RSF1: variants seen among roughly 807,000 people sequenced by gnomAD.
RSF1 encodes the protein remodeling and spacing factor 1.
A neutral mutation model predicts 145.2 loss-of-function variants in RSF1; 13 were observed. The observed-to-expected ratio is 0.09, with a 90% CI of 0.06 to 0.14. The LOEUF (loss-of-function observed/expected upper bound fraction) is 0.14, where lower values mean the gene tolerates loss of function less well. Ranked by LOEUF, RSF1 falls within the 10% of genes least tolerant of loss-of-function variation. The probability of loss-of-function intolerance (pLI) is 1.00; values close to 1 mark genes in which losing one functional copy is unlikely to be tolerated. For missense variants in RSF1, 1,517 were observed against 1,718.2 expected (o/e 0.88, Z 2.07); for synonymous variants, 577 against 592.6 (o/e 0.97, Z 0.38).
Position 77,740,929 on chromosome 11 carries a change from C to G in RSF1, c.380G>C (p.Cys127Ser). 1 of 1,612,052 alleles carries G rather than the reference C, an allele frequency of 6.2e-7. No individual in the cohort carries two copies. Among genetic ancestry groups the G allele is most frequent in the Non-Finnish European group, 8.5e-7 (1 of 1,178,336 alleles). Residue 127 changes from cysteine to serine, a missense_variant, in exon 4 of 16, where the codon TGT becomes TCT. Transcript: ENST00000308488. Reference sequence around the variant, plus strand: ...GAGATTGTCATCAAACTGACACTCACAGAGGTACTGAAAAATAGTCATAAC... The same window carrying G: ...GAGATTGTCATCAAACTGACACTCAGAGAGGTACTGAAAAATAGTCATAAC... ...ECKLALLKYLCECQFDDNLKF... is the reference protein window; with the variant it reads ...ECKLALLKYLSECQFDDNLKF...
chr11:77,710,614 T>G (rs915284620), intron 5 of RSF1, among the ~76,000 whole-genome samples: 6 of 152,198 alleles, frequency 3.9e-5, no homozygotes, highest in Non-Finnish European at 7.4e-5. Context: ...GCAAAACTAC[T>G]TCTCTGGTGT....
At chr11:77,772,375 T>C (rs1948294913) in intron 1 of RSF1, among the ~76,000 whole-genome samples, 1 of 152,116 alleles carries the variant, frequency 6.6e-6, no homozygotes. Flanking sequence ...GGTCCCACTA[T>C]GTTGGCCAGG....
At chr11:77,696,075 C>T (rs535912704) in intron 7 of RSF1, among the ~76,000 whole-genome samples, 18 of 152,266 alleles carry the variant, frequency 1.2e-4, no homozygotes, top group African/African-American at 3.1e-4. Flanking sequence ...ATTATACTTC[C>T]GGTATACAGT....
At chr11:77,842,384 A>T in the RSF1 span, 1 of 1,190,642 alleles carries the variant, frequency 8.4e-7, no homozygotes, top group Non-Finnish European at 1.2e-6. Flanking sequence ...GATGCTTCTT[A>T]AATCATGGAG....
chr11:77,728,681 CTTA>C (rs745644221), intron 4 of RSF1, among the ~76,000 whole-genome samples: 5 of 151,820 alleles, frequency 3.3e-5, no homozygotes, highest in Non-Finnish European at 5.9e-5. Context: ...CAGAAAGTCA[CTTA>C]TTATATAATT....
Position 77,682,301 on chromosome 11 carries a change from T to C in RSF1, c.3065+1409A>G, listed in dbSNP as rs572019460. Among the ~76,000 whole-genome samples the C allele has an allele frequency of 4.6e-5, 7 of 152,304 alleles. No homozygotes were observed. In the South Asian group the frequency reaches 1.5e-3, roughly 32 times the overall value. ...GCAAGTTTATAAATAAGAAGCAAGT[T>C]CAAAGTTAAGAGTTTCATAAAATCC... On this transcript the variant is annotated intron_variant, in intron 11 of 15. Coordinates refer to ENST00000308488, the MANE Select transcript of RSF1 (RefSeq NM_016578.4).
intron 1 of RSF1, among the ~76,000 whole-genome samples, chr11:77,790,842 G>C (rs757652851): frequency 1.3e-5 from 2 of 152,126 alleles, no homozygotes; most frequent in Non-Finnish European, 2.9e-5. Flanking sequence ...CATGGTCTTG[G>C]GCAGCTCCGC....
chr11:77,693,451 G>T, intron 8 of RSF1, 56 bp downstream of exon 8: 1 of 1,087,636 alleles, frequency 9.2e-7, no homozygotes, highest in Non-Finnish European at 1.4e-6. Flanking sequence ...CTATTAAACA[G>T]TTATTAATTT....
intron 1 of RSF1, among the ~76,000 whole-genome samples, 196 bp downstream of exon 1, chr11:77,820,332 G>C (rs1948850240): frequency 6.6e-6 from 1 of 152,188 alleles, no homozygotes; most frequent in South Asian, 2.1e-4. Flanking sequence ...GTGGCCCTAG[G>C]GGGCCTCCGC....
intron 2 of RSF1, among the ~76,000 whole-genome samples, chr11:77,755,930 A>C (rs532634264): frequency 1.4e-4 from 22 of 152,322 alleles, no homozygotes; most frequent in African/African-American, 5.1e-4. Context: ...ATCCCTTGAC[A>C]AAGTTTGAGA....
the RSF1 span, among the ~76,000 whole-genome samples, chr11:77,837,428 G>A: frequency 6.8e-6 from 1 of 146,828 alleles, no homozygotes; most frequent in African/African-American, 2.5e-5. Flanking sequence ...AAGCCACTGC[G>A]CCCGTCCCTT....
intron 14 of RSF1, among the ~76,000 whole-genome samples, chr11:77,673,007 ATAGTCCTTACTGCAGTCGACC>A (rs1310568913): frequency 6.6e-6 from 1 of 152,142 alleles, no homozygotes; most frequent in African/African-American, 2.4e-5. Context: ...TTTTTTAGAA[ATAGTCCTTACTGCAGTCGACC>A]TACAGCTACC....
intron 2 of RSF1, among the ~76,000 whole-genome samples, chr11:77,761,441 G>C (rs1258386859): frequency 1.3e-5 from 2 of 151,492 alleles, no homozygotes; most frequent in Non-Finnish European, 2.9e-5. Flanking sequence ...AAGAAATCAA[G>C]TGCGATTTCT....
At chr11:77,846,973 T>A in the RSF1 span, among the ~76,000 whole-genome samples, 2 of 152,222 alleles carry the variant, frequency 1.3e-5, no homozygotes, top group African/African-American at 4.8e-5. Context: ...TTTTAATTTT[T>A]TGACTGATGG....
rs71046904 is a variant in RSF1 at position 77,692,233 on chromosome 11, A to ATTTTTTTTTTTTTTTTTT, written c.2821-1013_2821-996dup. Among the ~76,000 whole-genome samples the ATTTTTTTTTTTTTTTTTT allele has an allele frequency of 9.7e-4, 48 of 49,472 alleles. 10 individuals carry two copies. Among genetic ancestry groups the ATTTTTTTTTTTTTTTTTT allele is most frequent in the Non-Finnish European group, 1.2e-3 (36 of 30,690 alleles). The allele number at this position is 49,472 out of a possible 152,430, so 32.5% of individuals were successfully genotyped here. On this transcript the variant is annotated intron_variant, in intron 8 of 15. Transcript: ENST00000308488. ...AAAAAATAATTATTACTACTTTTAA[A>ATTTTTTTTTTTTTTTTTT]TTTTTTTTTTTTTTTTTTTTTTTTT...
rs1423258658 is a variant in RSF1, at chr11:77,663,344, A to G, written c.*3573T>C. 6.6e-6 allele frequency: 1 copy of G among 152,202 alleles called. No individual in the cohort carries two copies. Among genetic ancestry groups the G allele is most frequent in the Non-Finnish European group, 1.5e-5 (1 of 68,022 alleles). 9.4% of individuals were successfully genotyped at this position (152,202 alleles called of 1,614,324 possible). The stretch of plus-strand genomic sequence containing the variant: ...TTGACTATTAAACAAGTAAATGTCC[A>G]TGTTTTTCTTAATATGTGTACTTTG... On this transcript the variant is annotated 3_prime_UTR_variant, in exon 16 of 16. Coordinates refer to ENST00000308488, the MANE Select transcript of RSF1 (RefSeq NM_016578.4).
rs184779642 is a variant in RSF1 at position 77,774,406 on chromosome 11, G to A, written c.188-9717C>T. ...TCACGAGGTCAGGAGTTCGAGACCAGCTAAAAAATACAAAAATTAGCCAGG... is the reference window on the plus strand; with the variant it reads ...TCACGAGGTCAGGAGTTCGAGACCAACTAAAAAATACAAAAATTAGCCAGG... On this transcript the variant is annotated intron_variant, in intron 1 of 15. Coordinates refer to ENST00000308488, the MANE Select transcript of RSF1 (RefSeq NM_016578.4). Among the ~76,000 whole-genome samples, 156 of 151,454 alleles carry A rather than the reference G, an allele frequency of 1.0e-3. 1 individual carries two copies. Among genetic ancestry groups the A allele is most frequent in the African/African-American group, 3.7e-3 (152 of 41,306 alleles).
At chr11:77,771,047 T>C (rs889087360) in intron 1 of RSF1, among the ~76,000 whole-genome samples, 1 of 152,250 alleles carries the variant, frequency 6.6e-6, no homozygotes, top group Non-Finnish European at 1.5e-5. Context: ...TTCCCCTCTT[T>C]CTATTCTTTC....
At position 77,701,473 on chromosome 11, in the gene RSF1, C is replaced by T; in HGVS notation, c.1756G>A (p.Glu586Lys). ...DKRPPILECL[E>K]KLEKSKKTFL... is the part of the protein sequence containing the mutation. ...GTCTTTTTGGACTTCTCTAACTTTT[C>T]AAGACATTCTAGGATTGGTGGGCGC... The change falls in exon 6 of 16, where the codon GAA becomes AAA. Residue 586 changes from glutamate (E) to lysine (K), a missense_variant. Physicochemically the swap from Glu to Lys is moderately conservative, Grantham distance 56. Transcript: ENST00000308488. The T allele has an allele frequency of 1.2e-6, 2 of 1,614,088 alleles. No homozygotes were observed. Among genetic ancestry groups the T allele is most frequent in the Non-Finnish European group, 1.7e-6 (2 of 1,180,012 alleles).
Sources: allele counts gnomAD v4.1 joint callset (sites outside exome capture counted in the v4.1 genomes callset), GRCh38; gene constraint gnomAD v4.1.1; transcripts MANE v1.5; gene names NCBI Gene and HGNC (gene_info 2026-07-23, HGNC 2026-07-21).